Variants in B4GALT1 observed in about 807,000 individuals in gnomAD.
B4GALT1 encodes N-acetyllactosamine synthase.
Under a neutral mutation model 34.9 loss-of-function variants are expected in B4GALT1, and 16 were observed. That is an observed-to-expected ratio of 0.46 (90% confidence interval 0.31 to 0.70). The LOEUF is 0.70. Among genes scored for constraint, B4GALT1 ranks in the 30% least tolerant of loss-of-function variants. B4GALT1 has a pLI of 0.05. For synonymous variants in B4GALT1, 221 were observed against 218.1 expected, an observed-to-expected ratio of 1.01 and a Z score of -0.12; for missense variants, 445 against 530.5, an observed-to-expected ratio of 0.84 and a Z score of 1.58.
chr9:33,183,675 C>T, the B4GALT1 span, among the ~76,000 whole-genome samples: 1 of 145,312 alleles, frequency 6.9e-6, no homozygotes, highest in Non-Finnish European at 1.5e-5. Flanking sequence ...GAGATATACC[C>T]AATGCTAGAT....
chr9:33,137,301 C>G (rs1208061869), intron 1 of B4GALT1, among the ~76,000 whole-genome samples: 1 of 152,188 alleles, frequency 6.6e-6, no homozygotes, highest in Non-Finnish European at 1.5e-5. Flanking sequence ...AACTAGCAAA[C>G]TTTCGCATTG....
intron 1 of B4GALT1, among the ~76,000 whole-genome samples, chr9:33,145,507 A>G (rs929588566): frequency 1.3e-5 from 2 of 152,196 alleles, no homozygotes; most frequent in African/African-American, 4.8e-5. Context: ...CACCATGATC[A>G]GATTCTGCCA....
the B4GALT1 span, among the ~76,000 whole-genome samples, chr9:33,184,702 C>A: frequency 1.3e-5 from 2 of 152,204 alleles, no homozygotes; most frequent in African/African-American, 4.8e-5. Flanking sequence ...TGCTGCTGAT[C>A]CACAGATCAC....
chr9:33,139,823 T>C (rs1178047211), intron 1 of B4GALT1, among the ~76,000 whole-genome samples: 1 of 152,256 alleles, frequency 6.6e-6, no homozygotes, highest in African/African-American at 2.4e-5. Flanking sequence ...CAAGGCGCCC[T>C]TGCTGTGCGG....
intron 4 of B4GALT1, 95 bp downstream of exon 4, chr9:33,115,896 C>T (rs1839931177): frequency 2.0e-6 from 3 of 1,514,874 alleles, no homozygotes; most frequent in Non-Finnish European, 2.7e-6. Context: ...TGCATCCCAT[C>T]TGAGGGTCAG....
intron 1 of B4GALT1, among the ~76,000 whole-genome samples, chr9:33,155,160 T>C (rs972907821): frequency 2.6e-5 from 4 of 152,178 alleles, no homozygotes; most frequent in African/African-American, 9.6e-5. Flanking sequence ...AGCCAATCCT[T>C]CATCTCATTT....
chr9:33,120,531 T>C lies in B4GALT1; in HGVS notation c.724A>G (p.Thr242Ala). The part of the protein sequence containing the change: ...FQEALKDYDY[T>A]CFVFSDVDLI... ...TCCACGTCACTAAACACAAAGCAGG[T>C]GTAGTCATAGTCCTTCAAGGCTTCT... Residue 242 changes from threonine (T) to alanine (A), a missense_variant, in exon 3 of 6, where the codon ACC becomes GCC. By Grantham distance (58) the Thr-to-Ala change is moderately conservative. Transcript: ENST00000379731. 6.2e-7 allele frequency: 1 copy of C among 1,614,212 alleles called. No homozygotes were observed. Among genetic ancestry groups the C allele is most frequent in the Non-Finnish European group, 8.5e-7 (1 of 1,180,044 alleles).
At chr9:33,172,866 G>GT in the B4GALT1 span, among the ~76,000 whole-genome samples, 1 of 147,700 alleles carries the variant, frequency 6.8e-6, no homozygotes, top group Non-Finnish European at 1.5e-5. Flanking sequence ...ACTAGGTAGG[G>GT]TTGAGCAACA....
chr9:33,148,113 A>G (rs1169897950), intron 1 of B4GALT1, among the ~76,000 whole-genome samples: 9 of 152,210 alleles, frequency 5.9e-5, no homozygotes, highest in Non-Finnish European at 1.0e-4. Flanking sequence ...GAAGGGATTA[A>G]TATCTAGGAT....
intron 1 of B4GALT1, among the ~76,000 whole-genome samples, chr9:33,165,648 G>A (rs1242108210): frequency 6.6e-6 from 1 of 152,110 alleles, no homozygotes; most frequent in Non-Finnish European, 1.5e-5. Flanking sequence ...AACTCCTATT[G>A]GCAGGATGTC....
At chr9:33,118,142 G>A (rs763329659) in intron 3 of B4GALT1, among the ~76,000 whole-genome samples, 2 of 152,174 alleles carry the variant, frequency 1.3e-5, no homozygotes. Flanking sequence ...ATACACACAC[G>A]GAGAGGGAGG....
chr9:33,132,742 T>C (rs1223370389), intron 2 of B4GALT1, among the ~76,000 whole-genome samples: 3 of 152,166 alleles, frequency 2.0e-5, no homozygotes, highest in Non-Finnish European at 4.4e-5. Context: ...ATATTTGACT[T>C]CAAAACAGGG....
At chr9:33,137,371 C>T (rs1840286621) in intron 1 of B4GALT1, among the ~76,000 whole-genome samples, 1 of 152,208 alleles carries the variant, frequency 6.6e-6, no homozygotes, top group African/African-American at 2.4e-5. Flanking sequence ...AGAGCTCAGG[C>T]AGCAGACCCT....
intron 1 of B4GALT1, among the ~76,000 whole-genome samples, chr9:33,158,283 G>A (rs1049132584): frequency 6.6e-6 from 1 of 152,126 alleles, no homozygotes; most frequent in East Asian, 1.9e-4. Flanking sequence ...AAAGACCAGG[G>A]CTCGGAATCC....
chr9:33,178,103 C>G, the B4GALT1 span, among the ~76,000 whole-genome samples: 1 of 151,616 alleles, frequency 6.6e-6, no homozygotes, highest in Non-Finnish European at 1.5e-5. Context: ...GTGATCCTCC[C>G]AACTCAGCCT....
At chr9:33,105,496 G>T (rs1489338657) in intron 2 of B4GALT1, among the ~76,000 whole-genome samples, 1 of 152,160 alleles carries the variant, frequency 6.6e-6, no homozygotes, top group East Asian at 1.9e-4. Context: ...GTCATCGGGG[G>T]CAGAGTGCCA....
At chr9:33,136,600 AGTT>A (rs1840276549) in intron 1 of B4GALT1, among the ~76,000 whole-genome samples, 1 of 152,212 alleles carries the variant, frequency 6.6e-6, no homozygotes, top group Non-Finnish European at 1.5e-5. Flanking sequence ...GGCTCTGAGA[AGTT>A]GTGCAGTCGA....
intron 3 of B4GALT1, among the ~76,000 whole-genome samples, chr9:33,119,166 A>C (rs1234715787): frequency 6.6e-6 from 1 of 152,186 alleles, no homozygotes; most frequent in African/African-American, 2.4e-5. Flanking sequence ...CTGGCCACTG[A>C]CAGGTAATTT....
chr9:33,104,915 G>T, intron 2 of B4GALT1: 1 of 365,706 alleles, frequency 2.7e-6, no homozygotes, highest in South Asian at 2.1e-5. Context: ...CACCTCTTGG[G>T]TTCAAACAAT....
Sources: gnomAD v4.1 joint callset for allele counts (sites outside exome capture counted in the v4.1 genomes callset) on GRCh38, gnomAD v4.1.1 for gene constraint, MANE v1.5 for transcripts, NCBI Gene and HGNC (gene_info 2026-07-23, HGNC 2026-07-21) for gene names.